Variants in AXIN1 observed in about 807,000 individuals in gnomAD.
AXIN1 encodes axin 1, also known as axin-1.
Under a neutral mutation model 76.4 loss-of-function variants are expected in AXIN1, and 30 were observed. That is an observed-to-expected ratio of 0.39 (90% confidence interval 0.29 to 0.53). The LOEUF is 0.53. Ranked by LOEUF, AXIN1 falls within the 20% of genes least tolerant of loss-of-function variation. The probability of loss-of-function intolerance (pLI) is 0.66; values close to 1 mark genes in which losing one functional copy is unlikely to be tolerated. For missense variants in AXIN1, 1,140 were observed against 1,198.8 expected (o/e 0.95, Z 0.72); for synonymous variants, 545 against 501.4 (o/e 1.09, Z -1.16).
chr16:308,757 CCA>C (rs1254995520), intron 4 of AXIN1, among the ~76,000 whole-genome samples: 5 of 152,278 alleles, frequency 3.3e-5, no homozygotes, highest in Admixed American at 2.6e-4. Context: ...ACGCACGCAC[CCA>C]CACACAGCCT....
At chr16:336,907 T>A (rs557780844) in intron 2 of AXIN1, among the ~76,000 whole-genome samples, 1 of 151,488 alleles carries the variant, frequency 6.6e-6, no homozygotes, top group African/African-American at 2.4e-5. Flanking sequence ...CCCAGCACTT[T>A]GGAAGGCCGA....
At chr16:296,857 A>G (rs2052723866) in intron 7 of AXIN1, among the ~76,000 whole-genome samples, 199 bp downstream of exon 7, 1 of 152,034 alleles carries the variant, frequency 6.6e-6, no homozygotes, top group Non-Finnish European at 1.5e-5. Flanking sequence ...CTCTGGGGAC[A>G]TGAGGTTTTC....
chr16:341,008 T>TAGCC (rs1212625449), intron 2 of AXIN1, among the ~76,000 whole-genome samples: 1 of 152,204 alleles, frequency 6.6e-6, no homozygotes, highest in Non-Finnish European at 1.5e-5. Flanking sequence ...GCAGGCAAAG[T>TAGCC]AGCCTCCAGG....
In AXIN1 at chr16:293,324, G is replaced by T; in HGVS notation, c.2186+164C>A. 1 of 713,014 alleles carries T rather than the reference G, an allele frequency of 1.4e-6. No individual in the cohort carries two copies. Among genetic ancestry groups the T allele is most frequent in the Non-Finnish European group, 2.3e-6 (1 of 433,780 alleles). The allele number at this position is 713,014 out of a possible 1,614,324, so 44.2% of individuals were successfully genotyped here. A position where few individuals can be genotyped will look rare whatever the true frequency, so the allele number is the denominator to read the frequency against. ...CGTCCACCGCAGGGTGGCCTGCCAC[G>T]TGGCCCCTCAGTGGTTCTCAGTGGA... is the stretch of plus-strand genomic sequence containing the variant. On this transcript the variant is annotated intron_variant, in intron 8 of 10. Transcript: ENST00000262320. The surrounding 1 kb of genome is among the most constrained non-coding windows in gnomAD (Gnocchi z 4.6).
At chr16:324,581 A>T (rs2053537117) in intron 2 of AXIN1, among the ~76,000 whole-genome samples, 1 of 152,230 alleles carries the variant, frequency 6.6e-6, no homozygotes, top group Non-Finnish European at 1.5e-5. Context: ...GCAGGTGGTC[A>T]GTAGGCGCTT....
chr16:336,787 A>T (rs59300099), intron 2 of AXIN1, among the ~76,000 whole-genome samples: 4,518 of 145,854 alleles, frequency 0.031, 243 homozygotes, highest in African/African-American at 0.1. Flanking sequence ...ACTGCACTCC[A>T]GTCTGGGCAA....
rs561997783 is a variant in AXIN1, at chr16:346,074, C to A, written c.878+74G>T. ...CGGTGTGGGTTAACGCCCGCCTCAT[C>A]AGCACCTTTCCCTGGCTTGTTCTCC... On this transcript the variant is annotated intron_variant, in intron 2 of 10. Coordinates refer to ENST00000262320, the MANE Select transcript of AXIN1 (RefSeq NM_003502.4). The A allele has an allele frequency of 5.3e-6, 8 of 1,507,008 alleles. No homozygotes were observed. The East Asian group carries it at 1.4e-4, about 26-fold the overall frequency. 93.4% of individuals were successfully genotyped at this position (1,507,008 alleles called of 1,614,324 possible).
chr16:311,178 C>T (rs544781221), intron 3 of AXIN1, among the ~76,000 whole-genome samples: 5 of 151,528 alleles, frequency 3.3e-5, no homozygotes, highest in East Asian at 4.0e-4. Flanking sequence ...TACAGGTGCC[C>T]GCCACCACGC....
chr16:331,429 T>A (rs1319888830), intron 2 of AXIN1, among the ~76,000 whole-genome samples: 1 of 152,214 alleles, frequency 6.6e-6, no homozygotes, highest in Non-Finnish European at 1.5e-5. Context: ...TCCTTGACTC[T>A]GAGTGTGCAG....
chr16:294,092 T>C (rs1031147292), intron 7 of AXIN1, among the ~76,000 whole-genome samples: 2 of 151,872 alleles, frequency 1.3e-5, no homozygotes, highest in Admixed American at 6.6e-5. Flanking sequence ...ACTGGGGAAG[T>C]GGAGGTTACA....
At chr16:326,005 T>C (rs1302513905) in intron 2 of AXIN1, among the ~76,000 whole-genome samples, 2 of 151,878 alleles carry the variant, frequency 1.3e-5, no homozygotes, top group Non-Finnish European at 2.9e-5. Context: ...CGCTTCTGTT[T>C]TAGCAATACT....
intron 2 of AXIN1, among the ~76,000 whole-genome samples, chr16:340,238 A>T (rs959873680): frequency 2.6e-5 from 4 of 152,200 alleles, no homozygotes; most frequent in Non-Finnish European, 5.9e-5. Context: ...GCCCAAGACA[A>T]GCCACCATGT....
At chr16:304,472 G>A (rs2141547904) in intron 4 of AXIN1, 31 bp from the exon 5 acceptor site, 1 of 1,612,432 alleles carries the variant, frequency 6.2e-7, no homozygotes, top group Non-Finnish European at 8.5e-7. Context: ...AGGCACGGGG[G>A]TTGAAAGGTC....
In AXIN1 at chr16:349,474, G is replaced by T. The variant is rs73488175; in HGVS notation, c.-81-2368C>A. On this transcript the variant is annotated intron_variant, in intron 1 of 10. Coordinates refer to ENST00000262320, the MANE Select transcript of AXIN1 (RefSeq NM_003502.4). ...CCACCTGAGCCTTACCACTATAGATGTACTACCATTCACTAGCTTGAAGAA... is the reference window on the plus strand; with the variant it reads ...CCACCTGAGCCTTACCACTATAGATTTACTACCATTCACTAGCTTGAAGAA... 5.1e-3 allele frequency among the ~76,000 whole-genome samples: 771 copies of T among 152,328 alleles called. 9 individuals carry two copies. The highest frequency in any genetic ancestry group is 0.017 in the African/African-American group (704 of 41,570).
chr16:323,054 G>A (rs975564045), intron 2 of AXIN1, among the ~76,000 whole-genome samples: 5 of 152,290 alleles, frequency 3.3e-5, no homozygotes, highest in South Asian at 4.1e-4. Context: ...TTGGGAGACT[G>A]AGGTAGGAGA....
rs551827603 is a variant in AXIN1, at chr16:302,479, A to G, written c.1254+1825T>C. ...AAACCCCTTCATGGGGAGCTCCACC[A>G]TCTGCAGCGACCACACCTGGTCCCC... On this transcript the variant is annotated intron_variant, in intron 5 of 10. Transcript: ENST00000262320. Among the ~76,000 whole-genome samples, 3 of 152,226 alleles carry G rather than the reference A, an allele frequency of 2.0e-5. No individual in the cohort carries two copies. The South Asian group carries it at 6.2e-4, about 31-fold the overall frequency.
At chr16:341,714 G>C (rs918916134) in intron 2 of AXIN1, among the ~76,000 whole-genome samples, 2 of 152,268 alleles carry the variant, frequency 1.3e-5, no homozygotes, top group African/African-American at 4.8e-5. Context: ...TCCTGATTCT[G>C]GTGGGGACGT....
intron 4 of AXIN1, among the ~76,000 whole-genome samples, chr16:306,684 C>T (rs2053035941): frequency 6.6e-6 from 1 of 152,252 alleles, no homozygotes; most frequent in Non-Finnish European, 1.5e-5. Flanking sequence ...GCCCTGGAGC[C>T]ACAGGCTTCA....
rs2141705773 is a variant in AXIN1 at position 346,681 on chromosome 16, C to G, written c.345G>C (p.Leu115=). The change falls in exon 2 of 11, where the codon CTG becomes CTC. Residue 115 remains leucine (L), a synonymous_variant. Coordinates refer to ENST00000262320, the MANE Select transcript of AXIN1 (RefSeq NM_003502.4). ...FLKQEGCADL[L]DFWFACTGFR... Reference sequence around the variant, plus strand: ...AGCCAGTGCAGGCAAACCAGAAGTCCAGCAAGTCGGCACAGCCCTCCTGCT... The same window carrying G: ...AGCCAGTGCAGGCAAACCAGAAGTCGAGCAAGTCGGCACAGCCCTCCTGCT... The G allele has an allele frequency of 6.4e-7, 1 of 1,567,882 alleles. No homozygotes were observed. Among genetic ancestry groups the G allele is most frequent in the South Asian group, 1.2e-5 (1 of 82,630 alleles).
Sources: allele counts gnomAD v4.1 joint callset (sites outside exome capture counted in the v4.1 genomes callset), GRCh38; gene constraint gnomAD v4.1.1; non-coding constraint Gnocchi (gnomAD v3.1); transcripts MANE v1.5; gene names NCBI Gene and HGNC (gene_info 2026-07-23, HGNC 2026-07-21).